The following NTRK2 variants were observed in gnomAD, a reference collection of about 807,000 sequenced individuals.
NTRK2 encodes the protein BDNF/NT-3 growth factors receptor.
NTRK2 carries 13 observed loss-of-function variants against 94.5 expected under a neutral mutation model. The ratio of observed to expected loss-of-function variants is 0.14; its 90% confidence interval spans 0.09 to 0.22. The LOEUF is 0.22. Ranked by LOEUF, NTRK2 falls within the 10% of genes least tolerant of loss-of-function variation. The pLI is 1.00. For synonymous variants in NTRK2, 372 were observed against 407.4 expected, an observed-to-expected ratio of 0.91 and a Z score of 1.05; for missense variants, 639 against 1,071.2, an observed-to-expected ratio of 0.60 and a Z score of 5.63.
chr9:84,731,067 G>C (rs2062856356), intron 9 of NTRK2, among the ~76,000 whole-genome samples: 1 of 151,924 alleles, frequency 6.6e-6, no homozygotes, highest in Admixed American at 6.6e-5. Flanking sequence ...GAAGCTAGTT[G>C]CATTTCCATA....
intron 12 of NTRK2, among the ~76,000 whole-genome samples, chr9:84,781,231 A>T (rs920787507): frequency 7.9e-5 from 12 of 152,156 alleles, no homozygotes; most frequent in African/African-American, 2.9e-4. Context: ...TGGCATTTTG[A>T]AAAAGGGCAA....
intron 4 of NTRK2, among the ~76,000 whole-genome samples, chr9:84,705,782 CTTTTTTTTTTT>C (rs36124860): frequency 2.7e-5 from 3 of 109,618 alleles, no homozygotes; most frequent in East Asian, 2.6e-4. Context: ...GAAACCCATT[CTTTTTTTTTTT>C]TTTTTTTTTT....
intron 14 of NTRK2, among the ~76,000 whole-genome samples, chr9:84,868,502 A>G (rs2075697583): frequency 6.6e-6 from 1 of 152,212 alleles, no homozygotes; most frequent in Non-Finnish European, 1.5e-5. Flanking sequence ...GTTAGGAAGA[A>G]CAGTATTATG....
At chr9:85,016,723 G>C (rs77557622) in intron 17 of NTRK2, among the ~76,000 whole-genome samples, 3 of 152,136 alleles carry the variant, frequency 2.0e-5, no homozygotes. Flanking sequence ...GGTTGCAAAA[G>C]AAATGTTCAG....
chr9:84,797,832 T>G lies in NTRK2; in HGVS notation c.1396+45747T>G, dbSNP rs1291522247. Among the ~76,000 whole-genome samples the G allele has an allele frequency of 8.5e-5, 8 of 94,302 alleles. 1 individual carries two copies. In the Admixed American group the frequency reaches 1.3e-3, roughly 16 times the overall value. The allele number at this position is 94,302 out of a possible 152,430, so 61.9% of individuals were successfully genotyped here. A position where few individuals can be genotyped will look rare whatever the true frequency, so the allele number is the denominator to read the frequency against. On this transcript the variant is annotated intron_variant, in intron 12 of 18. Coordinates refer to ENST00000277120, the MANE Select transcript of NTRK2 (RefSeq NM_006180.6). ...ATATTATATATTATATATACTATAATAATATATATATTATATATTATATAT... is the reference window on the plus strand; with the variant it reads ...ATATTATATATTATATATACTATAAGAATATATATATTATATATTATATAT...
At chr9:84,821,878 G>T (rs1451221825) in intron 12 of NTRK2, among the ~76,000 whole-genome samples, 1 of 151,580 alleles carries the variant, frequency 6.6e-6, no homozygotes, top group Non-Finnish European at 1.5e-5. Flanking sequence ...AAATTGCTGT[G>T]TTCTTTCTTT....
intron 12 of NTRK2, among the ~76,000 whole-genome samples, chr9:84,821,345 A>C (rs1018403459): frequency 2.1e-4 from 31 of 151,082 alleles, no homozygotes; most frequent in Middle Eastern, 3.5e-3. Context: ...ACACACACAC[A>C]CCCCTATGGA....
intron 2 of NTRK2, among the ~76,000 whole-genome samples, chr9:84,676,031 A>G (rs143555308): frequency 8.7e-4 from 132 of 151,918 alleles, no homozygotes; most frequent in African/African-American, 3.2e-3. Context: ...TTTATTCCTT[A>G]TGTGTTTCAA....
At chr9:84,874,511 A>G (rs1404578100) in intron 14 of NTRK2, 1 of 1,065,610 alleles carries the variant, frequency 9.4e-7, no homozygotes, top group Non-Finnish European at 1.1e-6. Context: ...TCTGAGGTTG[A>G]TTGCTGAGGT....
chr9:84,750,420 C>A (rs1182328862), intron 11 of NTRK2, among the ~76,000 whole-genome samples: 2 of 152,096 alleles, frequency 1.3e-5, no homozygotes, highest in Non-Finnish European at 2.9e-5. Flanking sequence ...ACAGAGAAAA[C>A]CAGAAATATT....
intron 12 of NTRK2, among the ~76,000 whole-genome samples, chr9:84,774,669 T>C (rs776204455): frequency 3.3e-5 from 5 of 152,218 alleles, no homozygotes; most frequent in Non-Finnish European, 5.9e-5. Context: ...GAGCTTTCCA[T>C]AGCCCGTCTT....
intron 2 of NTRK2, among the ~76,000 whole-genome samples, chr9:84,686,761 A>C (rs1489718400): frequency 6.6e-6 from 1 of 152,220 alleles, no homozygotes; most frequent in Non-Finnish European, 1.5e-5. Context: ...TATTTATAAA[A>C]ATTAACGCTA....
chr9:84,845,595 C>T (rs1168762879), intron 12 of NTRK2, among the ~76,000 whole-genome samples: 1 of 151,958 alleles, frequency 6.6e-6, no homozygotes, highest in East Asian at 1.9e-4. Flanking sequence ...GCCATAAAAA[C>T]GAATGAAATG....
At chr9:84,968,601 C>T (rs953381991) in intron 17 of NTRK2, among the ~76,000 whole-genome samples, 1 of 152,124 alleles carries the variant, frequency 6.6e-6, no homozygotes, top group African/African-American at 2.4e-5. Context: ...CATAGGCAGG[C>T]AGACAGCAGA....
chr9:84,872,062 A>G (rs2075885695), intron 14 of NTRK2: 3 of 1,380,768 alleles, frequency 2.2e-6, no homozygotes, highest in Non-Finnish European at 2.8e-6. Context: ...CATCTCCTCG[A>G]TCAATCAGGA....
At chr9:85,014,623 A>T (rs1165756045) in intron 17 of NTRK2, among the ~76,000 whole-genome samples, 3 of 152,226 alleles carry the variant, frequency 2.0e-5, no homozygotes, top group African/African-American at 7.2e-5. Flanking sequence ...GTGTACTTTG[A>T]ATTTATTGAG....
At chr9:84,899,616 C>G (rs2076866865) in intron 14 of NTRK2, among the ~76,000 whole-genome samples, 1 of 152,160 alleles carries the variant, frequency 6.6e-6, no homozygotes, top group Non-Finnish European at 1.5e-5. Flanking sequence ...GAATTGGAAC[C>G]AGCTGAGCTT....
chr9:84,842,528 C>G (rs17087768), intron 12 of NTRK2, among the ~76,000 whole-genome samples: 4,239 of 152,192 alleles, frequency 0.028, 230 homozygotes, highest in African/African-American at 0.097. Context: ...GGTTGGGACT[C>G]TGGCCGTGGC....
chr9:84,711,207 C>A (rs1242417458), intron 6 of NTRK2, among the ~76,000 whole-genome samples: 1 of 152,196 alleles, frequency 6.6e-6, no homozygotes, highest in Non-Finnish European at 1.5e-5. Context: ...CCTGGCAGCA[C>A]AAGCAAATCC....
Sources: allele counts gnomAD v4.1 joint callset (sites outside exome capture counted in the v4.1 genomes callset), GRCh38; gene constraint gnomAD v4.1.1; transcripts MANE v1.5; gene names NCBI Gene and HGNC (gene_info 2026-07-23, HGNC 2026-07-21).